Variants in PCDHA4 observed in about 807,000 individuals in gnomAD.
PCDHA4 encodes the protein protocadherin alpha-4.
PCDHA4 carries 49 observed loss-of-function variants against 61.4 expected under a neutral mutation model. The observed-to-expected ratio is 0.80, with a 90% CI of 0.63 to 1.01. PCDHA4 has a LOEUF of 1.01. Ranked by LOEUF, PCDHA4 falls within the 50% of genes least tolerant of loss-of-function variation. The probability of loss-of-function intolerance (pLI) is 0.00; values close to 1 mark genes in which losing one functional copy is unlikely to be tolerated. For synonymous variants in PCDHA4, 590 were observed against 550.3 expected (o/e 1.07, Z -1.01); for missense variants, 1,254 against 1,235.8 (o/e 1.01, Z -0.22).
intron 1 of PCDHA4, chr5:140,866,411 A>G (rs2049340937): frequency 6.6e-6 from 1 of 152,118 alleles, no homozygotes; most frequent in African/African-American, 2.4e-5. Context: ...GAAAATCTTC[A>G]AATGTGTGTA....
intron 1 of PCDHA4, among the ~76,000 whole-genome samples, chr5:140,962,590 C>T (rs2095694493): frequency 6.6e-6 from 1 of 152,144 alleles, no homozygotes; most frequent in African/African-American, 2.4e-5. Context: ...AAATATTTGA[C>T]TGATATATTT....
In PCDHA4 at chr5:140,809,274, T is replaced by C. The variant is rs1764413420; in HGVS notation, c.2087T>C (p.Val696Ala). ...AVGPDAALVD[V>A]NVYLIIAICA... The stretch of plus-strand genomic sequence containing the variant: ...GGTCCCGATGCTGCGCTGGTGGATG[T>C]CAACGTATACCTGATCATTGCCATC... Residue 696 changes from valine to alanine, a missense_variant, in exon 1 of 4, where the codon GTC (valine) becomes GCC (alanine). Physicochemically the swap from Val to Ala is moderately conservative, Grantham distance 64 (BLOSUM62 0). Coordinates refer to ENST00000530339, the MANE Select transcript of PCDHA4 (RefSeq NM_018907.4). 2.5e-6 allele frequency: 4 copies of C among 1,614,112 alleles called. No homozygotes were observed. Among genetic ancestry groups the C allele is most frequent in the Non-Finnish European group, 3.4e-6 (4 of 1,179,954 alleles).
At chr5:140,905,351 TTGACTA>T (rs2071764307) in intron 1 of PCDHA4, among the ~76,000 whole-genome samples, 1 of 152,208 alleles carries the variant, frequency 6.6e-6, no homozygotes, top group Non-Finnish European at 1.5e-5. Context: ...CTGTAAGTAT[TTGACTA>T]TATTTCTGGT....
In PCDHA4 at chr5:140,927,251, A is replaced by G. The variant is rs782356440; in HGVS notation, c.2386-51698A>G. The G allele has an allele frequency of 7.4e-6, 12 of 1,613,434 alleles. No homozygotes were observed. The Admixed American group carries it at 1.2e-4, about 16-fold the overall frequency. On this transcript the variant is annotated intron_variant, in intron 1 of 3. Transcript: ENST00000530339. The stretch of plus-strand genomic sequence containing the variant: ...ATTCACGTCCTGGACACCAATGACA[A>G]CTCACCTCTCTTTCCTGCCGGCGAC...
In PCDHA4 at chr5:140,820,166, G is replaced by C. The variant is rs183901333; in HGVS notation, c.2385+10594G>C. Among the ~76,000 whole-genome samples, 190 of 151,892 alleles carry C rather than the reference G, an allele frequency of 1.3e-3. 2 individuals are homozygous for C. Among genetic ancestry groups the C allele is most frequent in the Middle Eastern group, 6.9e-3 (2 of 290 alleles). On this transcript the variant is annotated intron_variant, in intron 1 of 3. Coordinates refer to ENST00000530339, the MANE Select transcript of PCDHA4 (RefSeq NM_018907.4). Reference sequence around the variant, plus strand: ...AAAATTATCAGTATGAAAACTATTAGGCAAATAGTCTGGGAAATTGATTTG... The same window carrying C: ...AAAATTATCAGTATGAAAACTATTACGCAAATAGTCTGGGAAATTGATTTG...
At chr5:140,834,968 A>AT (rs1347218738) in intron 1 of PCDHA4, 9 of 1,508,864 alleles carry the variant, frequency 6.0e-6, no homozygotes, top group Non-Finnish European at 8.1e-6. Flanking sequence ...TTGGACTTGT[A>AT]TTACGGAAAC....
intron 1 of PCDHA4, chr5:140,815,098 T>C (rs1445384708): frequency 1.3e-5 from 2 of 152,184 alleles, no homozygotes; most frequent in Admixed American, 1.3e-4. Flanking sequence ...AGCAAATCTC[T>C]TGTAGTTAGC....
chr5:140,994,379 G>A (rs2097618506), intron 3 of PCDHA4, among the ~76,000 whole-genome samples: 1 of 152,112 alleles, frequency 6.6e-6, no homozygotes. Flanking sequence ...AAATTCAGGG[G>A]ACTAAGTCAG....
At chr5:141,003,328 G>C (rs941196932) in intron 3 of PCDHA4, among the ~76,000 whole-genome samples, 1 of 152,102 alleles carries the variant, frequency 6.6e-6, no homozygotes, top group Admixed American at 6.5e-5. Flanking sequence ...AGAGGGCAGG[G>C]TTTTTTGTTT....
At chr5:140,897,782 T>G (rs1378743158) in intron 1 of PCDHA4, among the ~76,000 whole-genome samples, 6 of 152,182 alleles carry the variant, frequency 3.9e-5, no homozygotes, top group Admixed American at 3.9e-4. Flanking sequence ...CCACAATGGT[T>G]GAACTAGTTT....
chr5:140,829,116 A>T, intron 1 of PCDHA4: 5 of 1,612,284 alleles, frequency 3.1e-6, no homozygotes, highest in Non-Finnish European at 4.2e-6. Context: ...AGAATTTTGG[A>T]TAAAAATGAT....
chr5:140,899,464 T>A (rs1357482231), intron 1 of PCDHA4, among the ~76,000 whole-genome samples: 22 of 152,226 alleles, frequency 1.4e-4, no homozygotes, highest in Admixed American at 2.0e-4. Context: ...GGTTTTTGTC[T>A]TTGGTTCTGT....
At chr5:140,947,083 A>G (rs1268359945) in intron 1 of PCDHA4, among the ~76,000 whole-genome samples, 2 of 151,728 alleles carry the variant, frequency 1.3e-5, no homozygotes, top group Non-Finnish European at 3.0e-5. Context: ...TTGAAACATC[A>G]GACTGTAGCC....
intron 1 of PCDHA4, chr5:140,883,877 G>A: frequency 1.2e-6 from 2 of 1,613,254 alleles, no homozygotes; most frequent in Non-Finnish European, 1.7e-6. Flanking sequence ...CCAGGTGAGC[G>A]CGCGCGACTC....
rs1554156315 is a variant in PCDHA4 at position 140,862,411 on chromosome 5, A to C, written c.2385+52839A>C. ...CTTCAAGCTGGTGTCTACCTTCAAA[A>C]GGCGCTGCCCAGAAACTATTCGTTG... On this transcript the variant is annotated intron_variant, in intron 1 of 3. Transcript: ENST00000530339. 3 of 349,868 alleles carry C rather than the reference A, an allele frequency of 8.6e-6. No individual in the cohort carries two copies. The Admixed American group carries it at 1.1e-4, about 13-fold the overall frequency. The allele number at this position is 349,868 out of a possible 1,614,324, so 21.7% of individuals were successfully genotyped here.
At position 140,850,229 on chromosome 5, in the gene PCDHA4, C is replaced by G. The variant is rs2150474580; in HGVS notation, c.2385+40657C>G. ...TGAGGGGCACTGACGGCGCAGTGAGCGAGATGGTGCTGCGGTCGGTGGGCG... is the reference window on the plus strand; with the variant it reads ...TGAGGGGCACTGACGGCGCAGTGAGGGAGATGGTGCTGCGGTCGGTGGGCG... On this transcript the variant is annotated intron_variant, in intron 1 of 3. Transcript: ENST00000530339. The G allele has an allele frequency of 9.4e-6, 15 of 1,593,582 alleles. No individual in the cohort carries two copies. In the East Asian group the frequency reaches 3.3e-4, roughly 36 times the overall value.
At chr5:140,954,340 G>A (rs2095020682) in intron 1 of PCDHA4, among the ~76,000 whole-genome samples, 1 of 152,176 alleles carries the variant, frequency 6.6e-6, no homozygotes, top group Non-Finnish European at 1.5e-5. Flanking sequence ...TCTGCCTCTA[G>A]ATCTTTGAGG....
chr5:140,951,707 G>A (rs1162162711), intron 1 of PCDHA4, among the ~76,000 whole-genome samples: 6 of 152,076 alleles, frequency 3.9e-5, no homozygotes, highest in African/African-American at 1.4e-4. Flanking sequence ...TTTGGGCGGG[G>A]ACACAGATCC....
At chr5:140,993,450 CTTCT>C (rs1279887965) in intron 3 of PCDHA4, among the ~76,000 whole-genome samples, 2 of 137,074 alleles carry the variant, frequency 1.5e-5, no homozygotes, top group South Asian at 2.5e-4. Flanking sequence ...TCCTGTTCTC[CTTCT>C]TTCTTTCTCA....
Sources: gnomAD v4.1 joint callset for allele counts (sites outside exome capture counted in the v4.1 genomes callset) on GRCh38, gnomAD v4.1.1 for gene constraint, MANE v1.5 for transcripts, NCBI Gene and HGNC (gene_info 2026-07-23, HGNC 2026-07-21) for gene names.